Variants in NEK1 observed in about 807,000 individuals in gnomAD.
NEK1 encodes serine/threonine-protein kinase Nek1.
A neutral mutation model predicts 182.1 loss-of-function variants in NEK1; 137 were observed. The ratio of observed to expected loss-of-function variants is 0.75; its 90% CI spans 0.65 to 0.87. The LOEUF (loss-of-function observed/expected upper bound fraction) is 0.87. Ranked by LOEUF, NEK1 falls within the 40% of genes least tolerant of loss-of-function variation. The pLI is 0.00. For synonymous variants in NEK1, 513 were observed against 492.2 expected, an observed-to-expected ratio of 1.04 and a Z score of -0.56; for missense variants, 1,391 against 1,494.4, an observed-to-expected ratio of 0.93 and a Z score of 1.14.
chr4:169,450,286 C>G (rs1041501115), intron 27 of NEK1, among the ~76,000 whole-genome samples: 1 of 152,100 alleles, frequency 6.6e-6, no homozygotes, highest in African/African-American at 2.4e-5. Flanking sequence ...CTTCCCCAAC[C>G]TGGCAAGGCA....
intron 26 of NEK1, among the ~76,000 whole-genome samples, chr4:169,465,526 G>A (rs1744762625): frequency 6.6e-6 from 1 of 152,018 alleles, no homozygotes; most frequent in South Asian, 2.1e-4. Context: ...CTTTACTTGA[G>A]TACTGATCAG....
chr4:169,507,471 A>G (rs539269585), intron 22 of NEK1, among the ~76,000 whole-genome samples: 85 of 152,140 alleles, frequency 5.6e-4, no homozygotes, highest in African/African-American at 2.0e-3. Flanking sequence ...TAAGGTTACC[A>G]TTTTTTTCAA....
At chr4:169,477,723 T>G (rs1207428943) in intron 24 of NEK1, among the ~76,000 whole-genome samples, 1 of 152,024 alleles carries the variant, frequency 6.6e-6, no homozygotes, top group Non-Finnish European at 1.5e-5. Context: ...TTATTTGTCA[T>G]ATTTTTAGAT....
rs1369379576 is a variant in NEK1, at chr4:169,561,999, T to A, written c.1081-108A>T. On this transcript the variant is annotated intron_variant, in intron 13 of 35. Transcript: ENST00000507142. ...AGAGGTATGTTCAATGAGGTTTTTT[T>A]TTTAAAAAAAAAAAGAAGTTATAGG... 7 of 1,140,190 alleles carry A rather than the reference T, an allele frequency of 6.1e-6. No individual in the cohort carries two copies. The African/African-American group carries it at 1.1e-4, about 18-fold the overall frequency. The allele number at this position is 1,140,190 out of a possible 1,614,324, so 70.6% of individuals were successfully genotyped here.
intron 31 of NEK1, among the ~76,000 whole-genome samples, chr4:169,414,088 T>C (rs111807550): frequency 6.6e-6 from 1 of 152,202 alleles, no homozygotes. Flanking sequence ...GAACAGTATA[T>C]AGAATACTAT....
chr4:169,557,894 G>A (rs1179886714), intron 16 of NEK1, among the ~76,000 whole-genome samples: 1 of 152,090 alleles, frequency 6.6e-6, no homozygotes, highest in Admixed American at 6.5e-5. Context: ...TCCCACCACT[G>A]CAATCTAGCT....
intron 2 of NEK1, among the ~76,000 whole-genome samples, chr4:169,610,278 A>T (rs955485859): frequency 2.0e-5 from 3 of 152,032 alleles, no homozygotes; most frequent in Non-Finnish European, 4.4e-5. Flanking sequence ...CTGGGAATAC[A>T]GGTGTGAGCC....
In NEK1 at chr4:169,611,000, A is replaced by C. The variant is rs147769089; in HGVS notation, c.-49+1020T>G. 7.1e-3 allele frequency among the ~76,000 whole-genome samples: 1,083 copies of C among 152,374 alleles called. 11 individuals are homozygous for C. The highest frequency in any genetic ancestry group is 0.025 in the African/African-American group (1,043 of 41,590). On this transcript the variant is annotated intron_variant, in intron 2 of 35. Transcript: ENST00000507142. ...AGAAAGCAAAAATGGAATTTCTATT[A>C]GACTTTTTTCAAAATATTTTTTCTT...
At chr4:169,495,748 T>A (rs1343428176) in intron 23 of NEK1, among the ~76,000 whole-genome samples, 1 of 152,210 alleles carries the variant, frequency 6.6e-6, no homozygotes, top group Non-Finnish European at 1.5e-5. Context: ...CTCTGTTCTG[T>A]TCCATTGGTC....
intron 30 of NEK1, 89 bp from the exon 31 acceptor site, chr4:169,424,889 T>A (rs1736105465): frequency 1.5e-6 from 2 of 1,353,656 alleles, no homozygotes. Context: ...GTAACACAAA[T>A]TCTAGCAAAA....
intron 26 of NEK1, among the ~76,000 whole-genome samples, chr4:169,475,306 C>T (rs905000313): frequency 1.3e-5 from 2 of 152,134 alleles, no homozygotes; most frequent in Non-Finnish European, 2.9e-5. Context: ...AGTGTCTATT[C>T]CTACCAGCCA....
chr4:169,476,674 T>C (rs527585774), intron 26 of NEK1, among the ~76,000 whole-genome samples: 1 of 152,202 alleles, frequency 6.6e-6, no homozygotes, highest in East Asian at 1.9e-4. Flanking sequence ...CCTAGAACAA[T>C]GTAAGAAATA....
At chr4:169,507,637 T>C (rs1385115319) in intron 22 of NEK1, 78 bp downstream of exon 22, 12 of 1,011,844 alleles carry the variant, frequency 1.2e-5, no homozygotes, top group Non-Finnish European at 1.8e-5. Flanking sequence ...GATATAACTA[T>C]GCAAAACTTA....
intron 12 of NEK1, among the ~76,000 whole-genome samples, chr4:169,564,703 T>C (rs931873792): frequency 2.0e-5 from 3 of 152,178 alleles, no homozygotes; most frequent in Non-Finnish European, 4.4e-5. Context: ...TGCATATTTC[T>C]TTCTAATGAA....
chr4:169,604,145 C>G (rs1021282883), intron 2 of NEK1, among the ~76,000 whole-genome samples: 8 of 152,086 alleles, frequency 5.3e-5, no homozygotes, highest in African/African-American at 1.9e-4. Context: ...CCCTTATATC[C>G]TAGTTGCCTT....
intron 31 of NEK1, among the ~76,000 whole-genome samples, chr4:169,409,358 A>G (rs1348722751): frequency 6.6e-6 from 1 of 151,812 alleles, no homozygotes; most frequent in Non-Finnish European, 1.5e-5. Context: ...GTTAGCCAGG[A>G]TGGTCTCGAT....
intron 26 of NEK1, among the ~76,000 whole-genome samples, chr4:169,468,196 T>C (rs372676878): frequency 6.6e-6 from 1 of 152,148 alleles, no homozygotes; most frequent in East Asian, 1.9e-4. Context: ...ATAATCATTA[T>C]GCTTGAGTGA....
At chr4:169,459,683 T>C (rs954755006) in intron 27 of NEK1, among the ~76,000 whole-genome samples, 2 of 152,192 alleles carry the variant, frequency 1.3e-5, no homozygotes, top group African/African-American at 2.4e-5. Context: ...ATCCATACAA[T>C]GTAATATTCT....
At chr4:169,489,550 G>A (rs1196650511) in intron 23 of NEK1, among the ~76,000 whole-genome samples, 1 of 152,142 alleles carries the variant, frequency 6.6e-6, no homozygotes, top group African/African-American at 2.4e-5. Flanking sequence ...CAATGCCTAA[G>A]TCACAGCTGT....
Sources: allele counts gnomAD v4.1 joint callset (sites outside exome capture counted in the v4.1 genomes callset), GRCh38; gene constraint gnomAD v4.1.1; transcripts MANE v1.5; gene names NCBI Gene and HGNC (gene_info 2026-07-23, HGNC 2026-07-21).